GARNL3: variants seen among roughly 807,000 people sequenced by gnomAD.
GARNL3 encodes the protein GTPase-activating Rap/Ran-GAP domain-like protein 3.
A neutral mutation model predicts 125.0 loss-of-function variants in GARNL3; 63 were observed. The observed-to-expected ratio is 0.50, with a 90% CI of 0.41 to 0.62. GARNL3 has a LOEUF of 0.62. Among genes scored for constraint, GARNL3 ranks in the 20% least tolerant of loss-of-function variants. GARNL3 has a pLI of 0.00. For synonymous variants in GARNL3, 439 were observed against 457.5 expected (o/e 0.96, Z 0.52); for missense variants, 994 against 1,244.0 (o/e 0.80, Z 3.02).
chr9:127,334,959 A>G (rs1829469268), intron 9 of GARNL3, among the ~76,000 whole-genome samples: 1 of 152,240 alleles, frequency 6.6e-6, no homozygotes, highest in African/African-American at 2.4e-5. Context: ...AAGGAAGCTC[A>G]ATACTCTCCT....
At chr9:127,388,495 G>A (rs991774633) in intron 25 of GARNL3, 4 of 236,920 alleles carry the variant, frequency 1.7e-5, no homozygotes, top group Non-Finnish European at 2.5e-5. Context: ...CACTCTATCT[G>A]GCTTTGCCCG....
rs1745057515 is a variant in GARNL3, at chr9:127,385,919, TGTG to T, written c.2388+775_2388+777del. On this transcript the variant is annotated intron_variant, in intron 24 of 27. Coordinates refer to ENST00000373387, the MANE Select transcript of GARNL3 (RefSeq NM_032293.5). This position sits in a 1 kb window ranked among gnomAD's most constrained non-coding sequence, Gnocchi z 4.1. Reference sequence around the variant, plus strand: ...TTCAGTCCCGCAGTGCTCTGGAAAATGTGTGTGTGTGCACATATGTGCATATAT... The same window carrying T: ...TTCAGTCCCGCAGTGCTCTGGAAAATTGTGTGTGCACATATGTGCATATAT... Among the ~76,000 whole-genome samples the T allele has an allele frequency of 1.3e-5, 2 of 152,288 alleles. No individual in the cohort carries two copies. Among genetic ancestry groups the T allele is most frequent in the Admixed American group, 1.3e-4 (2 of 15,302 alleles).
Position 127,239,502 on chromosome 9 carries a change from A to G in GARNL3, c.-28-3577A>G, listed in dbSNP as rs1020295524. On this transcript the variant is annotated intron_variant, in intron 1 of 10. Coordinates refer to the GARNL3 transcript ENST00000439286. ...CACTTAATCATATGTAGCAGATCTC[A>G]GAGTTCTAGCATGGAATTTGGCCAC... 2.0e-5 allele frequency among the ~76,000 whole-genome samples: 3 copies of G among 152,214 alleles called. No homozygotes were observed. The East Asian group carries it at 5.8e-4, about 29-fold the overall frequency.
At chr9:127,318,033 G>A in intron 4 of GARNL3, 30 bp from the exon 5 acceptor site, 2 of 1,382,398 alleles carry the variant, frequency 1.4e-6, no homozygotes, top group Non-Finnish European at 2.1e-6. Flanking sequence ...TGTAGAACTT[G>A]TCACTGATTT....
chr9:127,265,564 G>C (rs974517189), intron 1 of GARNL3, among the ~76,000 whole-genome samples: 1 of 152,054 alleles, frequency 6.6e-6, no homozygotes, highest in African/African-American at 2.4e-5. Context: ...AGAGGTGTTA[G>C]TGTTTGTGCT....
chr9:127,271,268 A>G (rs913351), intron 1 of GARNL3, among the ~76,000 whole-genome samples: 5,149 of 150,370 alleles, frequency 0.034, 374 homozygotes, highest in African/African-American at 0.061. Flanking sequence ...AAAGATATAG[A>G]TTATGAACTC....
intron 14 of GARNL3, among the ~76,000 whole-genome samples, chr9:127,343,088 G>A (rs998442861): frequency 1.4e-4 from 22 of 151,824 alleles, no homozygotes; most frequent in African/African-American, 4.6e-4. Flanking sequence ...TAGTAGGGAC[G>A]GGGTTTCTCC....
At chr9:127,264,227 C>A, upstream of GARNL3, 1 of 357,270 alleles carries the variant, frequency 2.8e-6, no homozygotes, top group Non-Finnish European at 5.0e-6. Context: ...TTTGAGTGTG[C>A]AACTGTGCAT....
intron 1 of GARNL3, among the ~76,000 whole-genome samples, chr9:127,233,877 T>G (rs2063065148): frequency 6.6e-6 from 1 of 152,232 alleles, no homozygotes; most frequent in Non-Finnish European, 1.5e-5. Context: ...CTTATGTTTC[T>G]TGGGACTCTT....
intron 2 of GARNL3, among the ~76,000 whole-genome samples, chr9:127,249,815 C>G (rs2063368118): frequency 6.6e-6 from 1 of 152,116 alleles, no homozygotes; most frequent in South Asian, 2.1e-4. Flanking sequence ...TGAGACCAGC[C>G]TGGCCAACAT....
intron 1 of GARNL3, among the ~76,000 whole-genome samples, chr9:127,234,956 A>G: frequency 6.6e-6 from 1 of 152,198 alleles, no homozygotes; most frequent in East Asian, 1.9e-4. Context: ...TTGGAGAGAC[A>G]CAGACATTAG....
chr9:127,315,963 G>T (rs901911117), intron 4 of GARNL3, among the ~76,000 whole-genome samples: 1 of 152,176 alleles, frequency 6.6e-6, no homozygotes, highest in Non-Finnish European at 1.5e-5. Context: ...TGCTCACTGG[G>T]TGTAGCCTGA....
intron 6 of GARNL3, 117 bp from the exon 7 acceptor site, chr9:127,324,952 T>C: frequency 9.2e-7 from 1 of 1,088,548 alleles, no homozygotes; most frequent in Non-Finnish European, 1.4e-6. Context: ...ATAACCAACT[T>C]TTAAAATTAT....
chr9:127,299,779 A>G (rs2064726884), intron 2 of GARNL3, among the ~76,000 whole-genome samples: 2 of 152,092 alleles, frequency 1.3e-5, no homozygotes, highest in South Asian at 4.1e-4. Context: ...CATAGCCAGA[A>G]TGGTCTCGAT....
At chr9:127,246,223 G>A (rs1160607545) in intron 2 of GARNL3, among the ~76,000 whole-genome samples, 1 of 152,198 alleles carries the variant, frequency 6.6e-6, no homozygotes, top group East Asian at 1.9e-4. Flanking sequence ...GCGTCAGTAG[G>A]CAACTGGATT....
chr9:127,326,902 C>T (rs1015741444), intron 7 of GARNL3, among the ~76,000 whole-genome samples: 2 of 152,130 alleles, frequency 1.3e-5, no homozygotes, highest in Admixed American at 1.3e-4. Context: ...TCTTCCACTG[C>T]CTTGATATTG....
intron 27 of GARNL3, among the ~76,000 whole-genome samples, chr9:127,391,763 T>C (rs1330976538): frequency 6.7e-6 from 1 of 149,530 alleles, no homozygotes; most frequent in Non-Finnish European, 1.5e-5. Context: ...TATGCAGTAA[T>C]GCAGTACTGG....
At chr9:127,313,282 A>C (rs1281165773) in intron 3 of GARNL3, 159 bp from the exon 4 acceptor site, 10 of 651,632 alleles carry the variant, frequency 1.5e-5, no homozygotes, top group Non-Finnish European at 2.5e-5. Context: ...AGAGGAATAC[A>C]TGATCCCCCG....
intron 17 of GARNL3, among the ~76,000 whole-genome samples, chr9:127,351,351 G>A (rs1308601987): frequency 6.6e-6 from 1 of 152,018 alleles, no homozygotes; most frequent in Admixed American, 6.5e-5. Context: ...TTCCAAATTT[G>A]AAGGAAGTCG....
Sources: allele counts gnomAD v4.1 joint callset (sites outside exome capture counted in the v4.1 genomes callset), GRCh38; gene constraint gnomAD v4.1.1; non-coding constraint Gnocchi (gnomAD v3.1); transcripts MANE v1.5; gene names NCBI Gene and HGNC (gene_info 2026-07-23, HGNC 2026-07-21).